The following NAP1L1 variants were observed in gnomAD, a reference collection of about 807,000 sequenced individuals.
NAP1L1 encodes nucleosome assembly protein 1 like 1, also known as nucleosome assembly protein 1-like 1.
Under a neutral mutation model 58.9 loss-of-function variants are expected in NAP1L1, and 9 were observed. The observed-to-expected ratio is 0.15, with a 90% confidence interval of 0.09 to 0.27. NAP1L1 has a LOEUF of 0.27. Ranked by LOEUF, NAP1L1 falls within the 10% of genes least tolerant of loss-of-function variation. The probability of loss-of-function intolerance (pLI) is 1.00; values close to 1 mark genes in which losing one functional copy is unlikely to be tolerated. For missense variants in NAP1L1, 302 were observed against 458.8 expected (o/e 0.66, Z 3.12); for synonymous variants, 130 against 138.3 (o/e 0.94, Z 0.42).
chr12:76,083,969 T>G (rs1201626120), intron 1 of NAP1L1: 7 of 151,306 alleles, frequency 4.6e-5, no homozygotes, highest in Non-Finnish European at 4.4e-5. Flanking sequence ...GGGTTTCCCC[T>G]CCCCGCGCGG....
At chr12:76,053,931 A>T in intron 8 of NAP1L1, 22 bp from the exon 9 acceptor site, 1 of 1,591,450 alleles carries the variant, frequency 6.3e-7, no homozygotes, top group Non-Finnish European at 8.5e-7. Flanking sequence ...AAGCATAAAA[A>T]TCAGTTAAAT....
chr12:76,050,695 CTG>C (rs1472284615), intron 11 of NAP1L1, 42 bp from the exon 12 acceptor site: 2 of 1,582,410 alleles, frequency 1.3e-6, no homozygotes, highest in South Asian at 1.2e-5. Flanking sequence ...TTAGGAATAA[CTG>C]TGTTACTTAA....
intron 14 of NAP1L1, 48 bp from the exon 15 acceptor site, chr12:76,048,512 A>C (rs1948680077): frequency 6.2e-7 from 1 of 1,600,410 alleles, no homozygotes. Flanking sequence ...TACCTGCTTC[A>C]GTGAATTTCT....
At chr12:76,081,327 A>T (rs1169907986) in intron 1 of NAP1L1, among the ~76,000 whole-genome samples, 1 of 152,232 alleles carries the variant, frequency 6.6e-6, no homozygotes, top group African/African-American at 2.4e-5. Context: ...AAATGAGCTA[A>T]TAATACACAC....
chr12:76,048,936 C>A, intron 14 of NAP1L1: 1 of 490,710 alleles, frequency 2.0e-6, no homozygotes, highest in Non-Finnish European at 3.6e-6. Context: ...ACAAATCGTC[C>A]CATTAAAATA....
intron 8 of NAP1L1, 24 bp downstream of exon 8, chr12:76,054,995 A>T (rs770690449): frequency 6.5e-7 from 1 of 1,545,200 alleles, no homozygotes; most frequent in South Asian, 1.2e-5. Context: ...TTACAAAATT[A>T]TAAATATTTC....
intron 13 of NAP1L1, 98 bp from the exon 14 acceptor site, chr12:76,049,348 A>G (rs1948717002): frequency 1.1e-5 from 18 of 1,595,118 alleles, no homozygotes; most frequent in Non-Finnish European, 1.5e-5. Context: ...TCTACGGATC[A>G]ACAGATTTTC....
rs1050630897 is a variant in NAP1L1 at position 76,041,476 on chromosome 12, G to A, written c.*6953C>T. The A allele has an allele frequency of 2.6e-5, 4 of 152,228 alleles. No individual in the cohort carries two copies. The highest frequency in any genetic ancestry group is 5.9e-5 in the Non-Finnish European group (4 of 68,058). The allele number at this position is 152,228 out of a possible 1,614,324, so 9.4% of individuals were successfully genotyped here. On this transcript the variant is annotated 3_prime_UTR_variant, in exon 15 of 15. Coordinates refer to ENST00000618691, the MANE Select transcript of NAP1L1 (RefSeq NM_004537.7). ...AAGGCAGCCAAGCAGAGCTGAAATA[G>A]TGCAAATGCAGGTTAAATACAGTGG...
chr12:76,076,590 A>ATATCTATCTATC (rs1555186512), intron 1 of NAP1L1, among the ~76,000 whole-genome samples: 1 of 137,934 alleles, frequency 7.2e-6, no homozygotes, highest in African/African-American at 2.8e-5. Context: ...ATATATATAT[A>ATATCTATCTATC]TATCTCCACT....
Position 76,042,349 on chromosome 12 carries a change from G to A in NAP1L1, c.*6080C>T, listed in dbSNP as rs1181486349. The A allele has an allele frequency of 2.6e-5, 4 of 152,188 alleles. No individual in the cohort carries two copies. The highest frequency in any genetic ancestry group is 7.2e-5 in the African/African-American group (3 of 41,452). 9.4% of individuals were successfully genotyped at this position (152,188 alleles called of 1,614,324 possible). On this transcript the variant is annotated 3_prime_UTR_variant, in exon 15 of 15. Coordinates refer to ENST00000618691, the MANE Select transcript of NAP1L1 (RefSeq NM_004537.7). Reference sequence around the variant, plus strand: ...GTTCACCACGATCTTTCGCAATACAGATGAAAAGACTGATGCTGAACCAAC... The same window carrying A: ...GTTCACCACGATCTTTCGCAATACAAATGAAAAGACTGATGCTGAACCAAC...
intron 2 of NAP1L1, among the ~76,000 whole-genome samples, chr12:76,069,903 A>C (rs1008993237): frequency 6.6e-6 from 1 of 152,220 alleles, no homozygotes; most frequent in Non-Finnish European, 1.5e-5. Flanking sequence ...AAGGATTCCT[A>C]AGTCAATGTA....
Position 76,047,239 on chromosome 12 carries a change from A to G in NAP1L1, c.*1190T>C, listed in dbSNP as rs1948627747. On this transcript the variant is annotated 3_prime_UTR_variant, in exon 15 of 15. Coordinates refer to ENST00000618691, the MANE Select transcript of NAP1L1 (RefSeq NM_004537.7). ...ACATCCATGAGGTAGTTAGGTAAAC[A>G]GTACTACCCATTTTAATTACACAGT... is the stretch of plus-strand genomic sequence containing the variant. 3 of 152,482 alleles carry G rather than the reference A, an allele frequency of 2.0e-5. No homozygotes were observed. In the South Asian group the frequency reaches 6.2e-4, roughly 32 times the overall value. 9.4% of individuals were successfully genotyped at this position (152,482 alleles called of 1,614,324 possible).
At position 76,043,610 on chromosome 12, in the gene NAP1L1, G is replaced by A. The variant is rs1948571928; in HGVS notation, c.*4819C>T. 6.6e-6 allele frequency: 1 copy of A among 152,086 alleles called. No individual in the cohort carries two copies. Among genetic ancestry groups the A allele is most frequent in the Non-Finnish European group, 1.5e-5 (1 of 68,060 alleles). 9.4% of individuals were successfully genotyped at this position (152,086 alleles called of 1,614,324 possible). ...TCCACAGCTAAACTTTCTATGGACT[G>A]GCCACTTGTATTTCTACCTGTATTT... On this transcript the variant is annotated 3_prime_UTR_variant, in exon 15 of 15. Transcript: ENST00000618691.
rs1871094545 is a variant in NAP1L1 at position 76,038,153 on chromosome 12, A to G, written c.*10276T>C. 6.6e-6 allele frequency: 1 copy of G among 152,202 alleles called. No individual in the cohort carries two copies. The highest frequency in any genetic ancestry group is 2.1e-4 in the South Asian group (1 of 4,826). The allele number at this position is 152,202 out of a possible 1,614,324, so 9.4% of individuals were successfully genotyped here. On this transcript the variant is annotated 3_prime_UTR_variant, in exon 15 of 15. Coordinates refer to ENST00000618691, the MANE Select transcript of NAP1L1 (RefSeq NM_004537.7). ...AAACTGCAATCACTCAAAAGTGTTG[A>G]TATTCTGGCTCTGGGTCTCTGGGGT...
intron 8 of NAP1L1, among the ~76,000 whole-genome samples, chr12:76,054,222 G>GT (rs1948971611): frequency 6.6e-6 from 1 of 152,060 alleles, no homozygotes; most frequent in Non-Finnish European, 1.5e-5. Context: ...TACAGACAGT[G>GT]TTTCACCACG....
At chr12:76,063,368 C>T (rs760496452) in intron 4 of NAP1L1, among the ~76,000 whole-genome samples, 7 of 152,002 alleles carry the variant, frequency 4.6e-5, no homozygotes, top group Non-Finnish European at 1.0e-4. Context: ...AACCAGAAGG[C>T]GACTTGATCT....
rs187295163 is a variant in NAP1L1, at chr12:76,049,095, T to C, written c.1140+105A>G. The C allele has an allele frequency of 9.5e-6, 11 of 1,152,288 alleles. No individual in the cohort carries two copies. The African/African-American group carries it at 1.7e-4, about 18-fold the overall frequency. The allele number at this position is 1,152,288 out of a possible 1,614,324, so 71.4% of individuals were successfully genotyped here. A position where few individuals can be genotyped will look rare whatever the true frequency, so the allele number is the denominator to read the frequency against. On this transcript the variant is annotated intron_variant, in intron 14 of 14. Transcript: ENST00000618691. The stretch of plus-strand genomic sequence containing the variant: ...AAACAAAGTTATCCAGTCAATAGGC[T>C]TTATTTATTAAAGACTTTAACGGAG...
Position 76,053,271 on chromosome 12 carries a change from T to C in NAP1L1, c.850A>G (p.Thr284Ala). Residue 284 changes from threonine to alanine, a missense_variant, in exon 10 of 15, where the codon ACA becomes GCA. Thr to Ala is a moderately conservative substitution (Grantham distance 58, BLOSUM62 0). Transcript: ENST00000618691. ...KKKQKHKGRG[T>A]VRTVTKTVSN... ...ACTGTTTTAGTCACAGTACGAACTGTCCCACGTCCCTTGTGTTTCTGCTTC... is the reference window on the plus strand; with the variant it reads ...ACTGTTTTAGTCACAGTACGAACTGCCCCACGTCCCTTGTGTTTCTGCTTC... 1 of 1,614,066 alleles carries C rather than the reference T, an allele frequency of 6.2e-7. No individual in the cohort carries two copies. Among genetic ancestry groups the C allele is most frequent in the South Asian group, 1.1e-5 (1 of 91,084 alleles).
At chr12:76,069,425 A>G (rs1045641722) in intron 2 of NAP1L1, among the ~76,000 whole-genome samples, 7 of 152,354 alleles carry the variant, frequency 4.6e-5, no homozygotes, top group Admixed American at 3.9e-4. Flanking sequence ...AAAAAAGCAG[A>G]AATGCTGTAT....
Sources: allele counts gnomAD v4.1 joint callset (sites outside exome capture counted in the v4.1 genomes callset), GRCh38; gene constraint gnomAD v4.1.1; transcripts MANE v1.5; gene names NCBI Gene and HGNC (gene_info 2026-07-23, HGNC 2026-07-21).